Variants in C13orf42 observed in about 807,000 individuals in gnomAD.
The protein encoded by C13orf42 is uncharacterized protein C13orf42.
At chr13:51,119,898 A>C (rs11843589) in intron 1 of C13orf42, among the ~76,000 whole-genome samples, 14,494 of 152,106 alleles carry the variant, frequency 0.095, 1,035 homozygotes, top group South Asian at 0.27. Flanking sequence ...TAAAATGATA[A>C]ATTTAAAAAC....
At chr13:51,151,678 G>A (rs1209435026) in intron 1 of C13orf42, among the ~76,000 whole-genome samples, 3 of 152,208 alleles carry the variant, frequency 2.0e-5, no homozygotes, top group Non-Finnish European at 2.9e-5. Flanking sequence ...GCACATGCAG[G>A]TAAAGCAACA....
chr13:51,096,606 C>T (rs370628138), intron 1 of C13orf42, among the ~76,000 whole-genome samples: 29 of 152,326 alleles, frequency 1.9e-4, no homozygotes, highest in South Asian at 1.5e-3. Flanking sequence ...GTAACTTCAA[C>T]ATTCCAATAG....
chr13:51,097,793 C>T (rs965251154), intron 1 of C13orf42, among the ~76,000 whole-genome samples: 4 of 151,976 alleles, frequency 2.6e-5, no homozygotes, highest in Non-Finnish European at 5.9e-5. Flanking sequence ...TTTGGAAATG[C>T]CAAATGTAAT....
chr13:51,121,780 C>T (rs1445606307), intron 1 of C13orf42, among the ~76,000 whole-genome samples: 1 of 152,108 alleles, frequency 6.6e-6, no homozygotes, highest in African/African-American at 2.4e-5. Flanking sequence ...TGTGATCCAC[C>T]CGCCTCGGCC....
chr13:51,156,488 T>A (rs1213915103), intron 1 of C13orf42, among the ~76,000 whole-genome samples: 1 of 152,104 alleles, frequency 6.6e-6, no homozygotes, highest in Non-Finnish European at 1.5e-5. Context: ...AGAAAGGAAA[T>A]GAGGAGCTGG....
At chr13:51,106,871 A>G (rs73485832) in intron 1 of C13orf42, among the ~76,000 whole-genome samples, 6,132 of 152,308 alleles carry the variant, frequency 0.04, 361 homozygotes, top group African/African-American at 0.14. Context: ...AATGAGTCCC[A>G]AACTGCAGCT....
At chr13:51,093,575 AAAT>A (rs1953201920) in intron 1 of C13orf42, among the ~76,000 whole-genome samples, 1 of 152,166 alleles carries the variant, frequency 6.6e-6, no homozygotes, top group South Asian at 2.1e-4. Flanking sequence ...TTAATTTTTT[AAAT>A]AATAAGGTTA....
chr13:51,113,486 C>T (rs761305791), upstream of C13orf42, among the ~76,000 whole-genome samples: 3 of 152,178 alleles, frequency 2.0e-5, no homozygotes, highest in African/African-American at 7.2e-5. Context: ...CTGCCTTTAA[C>T]GTATCTTACT....
intron 2 of C13orf42, 102 bp from the exon 3 acceptor site, chr13:51,085,661 G>C (rs1242280803): frequency 5.0e-6 from 2 of 397,204 alleles, no homozygotes; most frequent in Non-Finnish European, 8.9e-6. Flanking sequence ...ACAGGAAATG[G>C]GTGTAGGCAA....
chr13:51,160,213 T>C (rs1457844093), intron 1 of C13orf42, among the ~76,000 whole-genome samples: 1 of 152,210 alleles, frequency 6.6e-6, no homozygotes, highest in Non-Finnish European at 1.5e-5. Context: ...ATGCCAATGT[T>C]TAGAAATTTG....
chr13:51,144,390 T>C (rs765383137), intron 1 of C13orf42, among the ~76,000 whole-genome samples: 1 of 119,674 alleles, frequency 8.4e-6, no homozygotes, highest in Non-Finnish European at 1.9e-5. Flanking sequence ...TGTACTCTTA[T>C]GAACAAAATT....
At chr13:51,148,570 G>A (rs1181560331) in intron 1 of C13orf42, among the ~76,000 whole-genome samples, 2 of 152,214 alleles carry the variant, frequency 1.3e-5, no homozygotes, top group African/African-American at 2.4e-5. Flanking sequence ...CACAGCTCAT[G>A]CAATCCCCTG....
chr13:51,134,474 T>A (rs1388776337), intron 1 of C13orf42, among the ~76,000 whole-genome samples: 1 of 152,196 alleles, frequency 6.6e-6, no homozygotes, highest in East Asian at 1.9e-4. Flanking sequence ...GTAGAGTCAG[T>A]GATCTTCCTA....
Position 51,131,249 on chromosome 13 carries a change from A to G in C13orf42, n.137-18027T>C, listed in dbSNP as rs182471773. ...CTGATTCCTCCAGAATTTGGAAACT[A>G]TTTGTGAGTATCTTAAGGCAACATA... is the stretch of plus-strand genomic sequence containing the variant. On this transcript the variant is annotated intron_variant and non_coding_transcript_variant, in intron 1 of 4. Transcript: ENST00000433280. 9.4e-3 allele frequency among the ~76,000 whole-genome samples: 1,431 copies of G among 152,336 alleles called. 12 individuals carry two copies. Among genetic ancestry groups the G allele is most frequent in the Middle Eastern group, 0.044 (13 of 294 alleles).
intron 1 of C13orf42, among the ~76,000 whole-genome samples, chr13:51,105,395 G>T (rs1351729056): frequency 1.3e-5 from 2 of 152,230 alleles, no homozygotes; most frequent in Non-Finnish European, 2.9e-5. Context: ...CACATAGTAT[G>T]TGCTCAATCG....
chr13:51,100,795 T>C (rs761133441), intron 1 of C13orf42, among the ~76,000 whole-genome samples: 1 of 152,216 alleles, frequency 6.6e-6, no homozygotes, highest in Non-Finnish European at 1.5e-5. Context: ...ACCTTTGGCC[T>C]TCAACCCATT....
intron 1 of C13orf42, among the ~76,000 whole-genome samples, chr13:51,096,371 G>A (rs926963527): frequency 1.3e-5 from 2 of 152,150 alleles, no homozygotes; most frequent in African/African-American, 4.8e-5. Flanking sequence ...TGGGGATGTG[G>A]CCTTCTCCAT....
At chr13:51,116,070 TAA>T (rs575782502), upstream of C13orf42, among the ~76,000 whole-genome samples, 6 of 140,570 alleles carry the variant, frequency 4.3e-5, no homozygotes, top group Admixed American at 7.1e-5. Context: ...AAACCTCTAA[TAA>T]AAAAAAAAAA....
intron 1 of C13orf42, among the ~76,000 whole-genome samples, chr13:51,149,060 G>A (rs1478032818): frequency 6.6e-6 from 1 of 152,192 alleles, no homozygotes; most frequent in Non-Finnish European, 1.5e-5. Flanking sequence ...TTCTGAATGA[G>A]GCTTCTGCAG....
Sources: allele counts gnomAD v4.1 joint callset (sites outside exome capture counted in the v4.1 genomes callset), GRCh38; gene constraint gnomAD v4.1.1; transcripts MANE v1.5; gene names NCBI Gene and HGNC (gene_info 2026-07-23, HGNC 2026-07-21).